OSBPL6: variants seen among roughly 807,000 people sequenced by gnomAD.
OSBPL6 encodes the protein oxysterol-binding protein-related protein 6.
OSBPL6 carries 49 observed loss-of-function variants against 125.8 expected under a neutral mutation model. That is an observed-to-expected ratio of 0.39 (90% confidence interval 0.31 to 0.49). OSBPL6 has a LOEUF of 0.49. OSBPL6 is among the 20% of genes least tolerant of loss of function. The pLI is 0.88. For missense variants in OSBPL6, 986 were observed against 1,135.4 expected, an observed-to-expected ratio of 0.87 and a Z score of 1.89; for synonymous variants, 394 against 391.8, an observed-to-expected ratio of 1.01 and a Z score of -0.07.
intron 1 of OSBPL6, among the ~76,000 whole-genome samples, chr2:178,197,111 G>A (rs2088947663): frequency 6.6e-6 from 1 of 151,628 alleles, no homozygotes; most frequent in African/African-American, 2.4e-5. Flanking sequence ...TTTCTCTTGG[G>A]TTAATACCAA....
At chr2:178,198,652 AAAT>A (rs1262891372) in intron 1 of OSBPL6, among the ~76,000 whole-genome samples, 1 of 150,698 alleles carries the variant, frequency 6.6e-6, no homozygotes, top group Non-Finnish European at 1.5e-5. Flanking sequence ...ATAAATAAAT[AAAT>A]AAGAGAACTG....
At chr2:178,245,648 A>G (rs2091460587) in intron 1 of OSBPL6, among the ~76,000 whole-genome samples, 1 of 152,226 alleles carries the variant, frequency 6.6e-6, no homozygotes, top group Non-Finnish European at 1.5e-5. Flanking sequence ...CAGTAACTTA[A>G]TGCTGTGTTG....
At chr2:178,363,564 T>A (rs1196156964) in intron 13 of OSBPL6, among the ~76,000 whole-genome samples, 1 of 152,122 alleles carries the variant, frequency 6.6e-6, no homozygotes. Flanking sequence ...ATCCCTGAGT[T>A]GAGAGCAGAG....
intron 3 of OSBPL6, among the ~76,000 whole-genome samples, chr2:178,323,061 T>G (rs1688384369): frequency 1.3e-5 from 2 of 152,202 alleles, no homozygotes; most frequent in South Asian, 4.1e-4. Context: ...TAGTGAAGTA[T>G]TCTTAATGAG....
intron 3 of OSBPL6, among the ~76,000 whole-genome samples, chr2:178,316,861 C>T (rs189089614): frequency 6.6e-6 from 1 of 151,832 alleles, no homozygotes; most frequent in East Asian, 1.9e-4. Flanking sequence ...GGAGTCAGTC[C>T]CCCAAGGATA....
At chr2:178,236,117 G>A (rs1363813150) in intron 1 of OSBPL6, among the ~76,000 whole-genome samples, 5 of 151,672 alleles carry the variant, frequency 3.3e-5, no homozygotes, top group African/African-American at 9.7e-5. Flanking sequence ...CTTGTTTCTA[G>A]TTGCTACAGT....
intron 1 of OSBPL6, 67 bp downstream of exon 1, chr2:178,194,741 G>A (rs1450550116): frequency 6.6e-6 from 1 of 152,318 alleles, no homozygotes; most frequent in Non-Finnish European, 1.5e-5. Flanking sequence ...GCGGCCCGGG[G>A]GCATTGTGCG....
intron 13 of OSBPL6, among the ~76,000 whole-genome samples, chr2:178,362,099 C>T (rs1692414041): frequency 6.6e-6 from 1 of 152,012 alleles, no homozygotes; most frequent in African/African-American, 2.4e-5. Flanking sequence ...ATAAGGTAGC[C>T]CCTCATTTTA....
intron 17 of OSBPL6, among the ~76,000 whole-genome samples, chr2:178,383,674 A>G (rs1481146230): frequency 6.6e-6 from 1 of 152,194 alleles, no homozygotes; most frequent in Admixed American, 6.5e-5. Context: ...GAAACATGCC[A>G]TGCCCTCTGA....
rs368369681 is a variant in OSBPL6, at chr2:178,270,349, A to G, written c.-350-14578A>G. Among the ~76,000 whole-genome samples the G allele has an allele frequency of 4.6e-5, 7 of 152,318 alleles. No homozygotes were observed. The East Asian group carries it at 1.3e-3, about 29-fold the overall frequency. On this transcript the variant is annotated intron_variant, in intron 1 of 24. Transcript: ENST00000190611. ...ACTTTTGGGCAAAGCTGCTTTAATAATAATAAAAGGTAACATTGAGCACTT... is the reference window on the plus strand; with the variant it reads ...ACTTTTGGGCAAAGCTGCTTTAATAGTAATAAAAGGTAACATTGAGCACTT...
In OSBPL6 at chr2:178,306,211, C is replaced by T. The variant is rs1397993445; in HGVS notation, c.27C>T (p.Ser9=). MSSDEKGI[S]PAHKTSTPTH... is the part of the protein sequence containing the mutation. ...TGAGTTCAGATGAGAAGGGCATTTC[C>T]CCTGCTCATAAAACATCCACTCCAA... Residue 9 remains serine, a synonymous_variant, in exon 3 of 25, where the codon TCC becomes TCT. Coordinates refer to ENST00000190611, the MANE Select transcript of OSBPL6 (RefSeq NM_032523.4). 6.2e-7 allele frequency: 1 copy of T among 1,613,652 alleles called. No individual in the cohort carries two copies. The highest frequency in any genetic ancestry group is 8.5e-7 in the Non-Finnish European group (1 of 1,179,636).
At chr2:178,217,092 G>C (rs992450178) in intron 1 of OSBPL6, among the ~76,000 whole-genome samples, 8 of 152,166 alleles carry the variant, frequency 5.3e-5, no homozygotes, top group Non-Finnish European at 1.5e-5. Flanking sequence ...ATATAAGAGA[G>C]TGCCTTTGTT....
chr2:178,212,576 A>G (rs2089910703), intron 1 of OSBPL6, among the ~76,000 whole-genome samples: 1 of 152,242 alleles, frequency 6.6e-6, no homozygotes, highest in South Asian at 2.1e-4. Context: ...AGCTGGTCCC[A>G]AAGACCGAAT....
In OSBPL6 at chr2:178,281,791, G is replaced by T. The variant is rs191995826; in HGVS notation, c.-350-3136G>T. Reference sequence around the variant, plus strand: ...AGGGAGGGGAACAACACACACTGGGGTCTGTGGTGAGGGGGGTGGTGGGTG... The same window carrying T: ...AGGGAGGGGAACAACACACACTGGGTTCTGTGGTGAGGGGGGTGGTGGGTG... On this transcript the variant is annotated intron_variant, in intron 1 of 24. Transcript: ENST00000190611. Among the ~76,000 whole-genome samples, 11 of 92,160 alleles carry T rather than the reference G, an allele frequency of 1.2e-4. No individual in the cohort carries two copies. The East Asian group carries it at 3.6e-3, about 30-fold the overall frequency. The allele number at this position is 92,160 out of a possible 152,430, so 60.5% of individuals were successfully genotyped here. A position where few individuals can be genotyped will look rare whatever the true frequency, so the allele number is the denominator to read the frequency against.
intron 1 of OSBPL6, among the ~76,000 whole-genome samples, chr2:178,264,152 T>G (rs1317627827): frequency 1.3e-5 from 2 of 151,934 alleles, no homozygotes; most frequent in Non-Finnish European, 2.9e-5. Context: ...GTTCTGAAAA[T>G]TAACCAGGAA....
chr2:178,208,629 T>TCCCTCCCCTCCCCTCCCTTC (rs2089665529), intron 1 of OSBPL6, among the ~76,000 whole-genome samples: 1 of 143,422 alleles, frequency 7.0e-6, no homozygotes, highest in Non-Finnish European at 1.5e-5. Context: ...CCTCTGTCTT[T>TCCCTCCCCTCCCCTCCCTTC]CCCTCCCCTC....
Position 178,400,727 on chromosome 2 carries a change from G to T in OSBPL6, c.*5168G>T, listed in dbSNP as rs905912051. 6.6e-6 allele frequency: 1 copy of T among 152,080 alleles called. No homozygotes were observed. The allele number at this position is 152,080 out of a possible 1,614,324, so 9.4% of individuals were successfully genotyped here. On this transcript the variant is annotated 3_prime_UTR_variant, in exon 25 of 25. Transcript: ENST00000190611. The stretch of plus-strand genomic sequence containing the variant: ...GTGAACATATCTATCATCCCCAAAA[G>T]TTTCCCCTGCCCCTTTGTAATCCTT...
Position 178,395,546 on chromosome 2 carries a change from C to T in OSBPL6, c.2792C>T (p.Pro931Leu), listed in dbSNP as rs1202141644. 1 of 1,610,954 alleles carries T rather than the reference C, an allele frequency of 6.2e-7. No homozygotes were observed. Among genetic ancestry groups the T allele is most frequent in the South Asian group, 1.1e-5 (1 of 90,950 alleles). ...CCTGGGTTTAGCAAAGTAGACAGCC[C>T]TGTTCTTTGGTAGACTGGGAATGTA... Reference protein sequence around the residue: ...KDPGFSKVDSPVLW With the variant: ...KDPGFSKVDSLVLW Residue 931 changes from proline (P) to leucine (L), a missense_variant, in exon 25 of 25, where the codon CCT becomes CTT. Pro to Leu is a moderately conservative substitution (Grantham distance 98, BLOSUM62 -3). This residue lies in a region of OSBPL6 where 843 missense variants were observed against 997.3 expected (regional missense o/e 0.85). Coordinates refer to ENST00000190611, the MANE Select transcript of OSBPL6 (RefSeq NM_032523.4).
At chr2:178,209,439 C>CT (rs71850875) in intron 1 of OSBPL6, among the ~76,000 whole-genome samples, 2,553 of 95,702 alleles carry the variant, frequency 0.027, 58 homozygotes, top group East Asian at 0.08. Context: ...TTCTTTCTTT[C>CT]TTTTTTTTTT....
Sources: gnomAD v4.1 joint callset for allele counts (sites outside exome capture counted in the v4.1 genomes callset) on GRCh38, gnomAD v4.1.1 for gene constraint, gnomAD v4.1.1 regional missense constraint, MANE v1.5 for transcripts, NCBI Gene and HGNC (gene_info 2026-07-23, HGNC 2026-07-21) for gene names.